Variants in NDUFS4 observed in about 807,000 individuals in gnomAD.
NDUFS4 encodes the protein NADH:ubiquinone oxidoreductase subunit S4.
Under a neutral mutation model 24.3 loss-of-function variants are expected in NDUFS4, and 28 were observed. The ratio of observed to expected loss-of-function variants is 1.15; its 90% CI spans 0.85 to 1.58. The LOEUF is 1.58. Ranked by LOEUF, NDUFS4 falls within the 40% of genes most tolerant of loss-of-function variation. NDUFS4 has a pLI of 0.00. For synonymous variants in NDUFS4, 93 were observed against 69.7 expected (o/e 1.34, Z -1.67); for missense variants, 223 against 207.9 (o/e 1.07, Z -0.45).
intron 1 of NDUFS4, among the ~76,000 whole-genome samples, chr5:53,575,446 C>T (rs542992824): frequency 6.6e-6 from 1 of 150,682 alleles, no homozygotes; most frequent in Non-Finnish European, 1.5e-5. Context: ...TAAAGCTAAA[C>T]GCTAACATTT....
At chr5:53,587,253 T>A (rs1561344981) in intron 1 of NDUFS4, among the ~76,000 whole-genome samples, 3 of 152,162 alleles carry the variant, frequency 2.0e-5, no homozygotes, top group Non-Finnish European at 4.4e-5. Context: ...TATGCATATT[T>A]AAGAAAATAT....
intron 1 of NDUFS4, among the ~76,000 whole-genome samples, chr5:53,597,609 G>A (rs987321051): frequency 1.3e-5 from 2 of 152,268 alleles, no homozygotes; most frequent in African/African-American, 4.8e-5. Context: ...TTTGAAAAGT[G>A]TATTTTGAAG....
intron 1 of NDUFS4, among the ~76,000 whole-genome samples, chr5:53,585,515 G>T (rs947957314): frequency 6.6e-6 from 1 of 152,142 alleles, no homozygotes; most frequent in East Asian, 1.9e-4. Context: ...GGAGGCTGAG[G>T]TGGGCGGATC....
intron 4 of NDUFS4, among the ~76,000 whole-genome samples, chr5:53,676,369 G>C (rs1740469801): frequency 6.6e-6 from 1 of 152,098 alleles, no homozygotes; most frequent in African/African-American, 2.4e-5. Flanking sequence ...GTTCCTGCAG[G>C]CCTCTGGTCA....
intron 2 of NDUFS4, among the ~76,000 whole-genome samples, chr5:53,605,941 G>A (rs1750485694): frequency 6.6e-6 from 1 of 151,652 alleles, no homozygotes; most frequent in African/African-American, 2.4e-5. Flanking sequence ...GTGAACCTGG[G>A]AGGCAGAGCT....
chr5:53,616,058 G>C (rs547214900), intron 2 of NDUFS4, among the ~76,000 whole-genome samples: 1 of 151,950 alleles, frequency 6.6e-6, no homozygotes, highest in African/African-American at 2.4e-5. Context: ...AAATATGGCA[G>C]CTATAGCCTG....
intron 1 of NDUFS4, among the ~76,000 whole-genome samples, chr5:53,566,128 G>T (rs532868793): frequency 3.0e-4 from 46 of 152,214 alleles, no homozygotes; most frequent in African/African-American, 1.0e-3. Flanking sequence ...AGCCGAGATC[G>T]CACCACTGCA....
intron 2 of NDUFS4, among the ~76,000 whole-genome samples, chr5:53,623,375 T>A (rs1751113524): frequency 6.6e-6 from 1 of 152,206 alleles, no homozygotes; most frequent in South Asian, 2.1e-4. Flanking sequence ...ATTAGTGATG[T>A]TGAGCATCTT....
rs534192767 is a variant in NDUFS4, at chr5:53,679,375, C to T, written c.425-3743C>T. Among the ~76,000 whole-genome samples, 6 of 152,112 alleles carry T rather than the reference C, an allele frequency of 3.9e-5. No individual in the cohort carries two copies. The East Asian group carries it at 9.7e-4, about 25-fold the overall frequency. On this transcript the variant is annotated intron_variant, in intron 4 of 4. Transcript: ENST00000296684. ...TTTGTTTTTCACAGGGTGCTTTGCC[C>T]ATCCACATTCCAATCTCTGTCATGA...
At chr5:53,681,032 C>T (rs1223865799) in intron 4 of NDUFS4, among the ~76,000 whole-genome samples, 3 of 151,810 alleles carry the variant, frequency 2.0e-5, no homozygotes, top group African/African-American at 4.8e-5. Flanking sequence ...TAGCTATACC[C>T]GAAACAACAC....
chr5:53,628,911 C>T (rs1023397666), intron 2 of NDUFS4, among the ~76,000 whole-genome samples: 4 of 151,962 alleles, frequency 2.6e-5, no homozygotes, highest in Non-Finnish European at 5.9e-5. Context: ...CATTTCTTGC[C>T]TTCTGCTAGC....
chr5:53,591,726 C>T (rs1004551359), intron 1 of NDUFS4, among the ~76,000 whole-genome samples: 2 of 152,124 alleles, frequency 1.3e-5, no homozygotes, highest in African/African-American at 4.8e-5. Flanking sequence ...TCTCTTCATC[C>T]TTTCTCAAAT....
intron 1 of NDUFS4, among the ~76,000 whole-genome samples, chr5:53,597,696 ATG>A (rs755629330): frequency 6.6e-6 from 1 of 152,190 alleles, no homozygotes; most frequent in Non-Finnish European, 1.5e-5. Flanking sequence ...GAAGATCCTA[ATG>A]GATACATGGA....
intron 1 of NDUFS4, among the ~76,000 whole-genome samples, chr5:53,565,373 G>C (rs1021250992): frequency 2.0e-5 from 3 of 152,200 alleles, no homozygotes; most frequent in Admixed American, 2.0e-4. Context: ...GCAGGTTTTA[G>C]CACATGGACC....
intron 1 of NDUFS4, among the ~76,000 whole-genome samples, chr5:53,566,127 C>T (rs1026702207): frequency 1.3e-5 from 2 of 152,028 alleles, no homozygotes; most frequent in Non-Finnish European, 2.9e-5. Context: ...GAGCCGAGAT[C>T]GCACCACTGC....
chr5:53,635,404 T>C (rs930246040), intron 2 of NDUFS4, among the ~76,000 whole-genome samples: 1 of 151,378 alleles, frequency 6.6e-6, no homozygotes. Context: ...CCTGTAGTCT[T>C]AGCTACTCAG....
intron 2 of NDUFS4, among the ~76,000 whole-genome samples, chr5:53,606,046 T>TCC: frequency 7.4e-6 from 1 of 135,978 alleles, no homozygotes; most frequent in African/African-American, 2.8e-5. Flanking sequence ...TAGCCGGGCA[T>TCC]GGTGGTGGGC....
chr5:53,615,012 AT>A (rs1750801479), intron 2 of NDUFS4, among the ~76,000 whole-genome samples: 1 of 151,798 alleles, frequency 6.6e-6, no homozygotes, highest in South Asian at 2.1e-4. Flanking sequence ...TGCTTATCTA[AT>A]TTTTTTCATT....
chr5:53,676,730 T>G (rs1308671753), intron 4 of NDUFS4, among the ~76,000 whole-genome samples: 1 of 152,206 alleles, frequency 6.6e-6, no homozygotes, highest in Non-Finnish European at 1.5e-5. Flanking sequence ...CATTTAGAAA[T>G]GTATGTTACG....
Sources: allele counts gnomAD v4.1 joint callset (sites outside exome capture counted in the v4.1 genomes callset), GRCh38; gene constraint gnomAD v4.1.1; transcripts MANE v1.5; gene names NCBI Gene and HGNC (gene_info 2026-07-23, HGNC 2026-07-21).